ADORA2B: variants seen among roughly 807,000 people sequenced by gnomAD.
The protein encoded by ADORA2B is adenosine receptor A2b.
In ADORA2B, 18 loss-of-function variants were observed where a neutral mutation model predicts 20.8. The ratio of observed to expected loss-of-function variants is 0.87; its 90% CI spans 0.60 to 1.29. ADORA2B has a LOEUF of 1.29. ADORA2B is among the 50% of genes most tolerant of loss of function. The pLI, the probability that ADORA2B is intolerant of heterozygous loss-of-function variation, is 0.00. For synonymous variants in ADORA2B, 179 were observed against 178.3 expected, an observed-to-expected ratio of 1.00 and a Z score of -0.03; for missense variants, 441 against 422.7, an observed-to-expected ratio of 1.04 and a Z score of -0.38.
At chr17:15,966,198 C>G (rs923481293) in intron 1 of ADORA2B, among the ~76,000 whole-genome samples, 1 of 152,218 alleles carries the variant, frequency 6.6e-6, no homozygotes, top group African/African-American at 2.4e-5. Context: ...AGAAACATCC[C>G]TAAAACAAAC....
the ADORA2B span, among the ~76,000 whole-genome samples, chr17:15,869,449 C>T: frequency 2.6e-5 from 4 of 151,864 alleles, no homozygotes; most frequent in South Asian, 2.1e-4. Context: ...ATTTTGTTAT[C>T]GTCATTCATA....
rs1188079287 is a variant in ADORA2B, at chr17:15,964,606, ACT to A, written c.336-10070_336-10069del. ...TTCCAGTCTGGGCGACAAGAGCAAG[ACT>A]CTGTCTCAAAAAAAAAAAAAAAAAG... is the stretch of plus-strand genomic sequence containing the variant. On this transcript the variant is annotated intron_variant, in intron 1 of 1. Coordinates refer to ENST00000304222, the MANE Select transcript of ADORA2B (RefSeq NM_000676.4). Among the ~76,000 whole-genome samples, 26 of 140,440 alleles carry A rather than the reference ACT, an allele frequency of 1.9e-4. No homozygotes were observed. The South Asian group carries it at 5.4e-3, about 29-fold the overall frequency. The allele number at this position is 140,440 out of a possible 152,430, so 92.1% of individuals were successfully genotyped here. A position where few individuals can be genotyped will look rare whatever the true frequency, so the allele number is the denominator to read the frequency against.
chr17:15,890,032 G>A, the ADORA2B span, among the ~76,000 whole-genome samples: 2 of 129,954 alleles, frequency 1.5e-5, 1 homozygote, highest in Non-Finnish European at 3.2e-5. Flanking sequence ...TACACTGGAC[G>A]CCTAGATGTG....
the ADORA2B span, among the ~76,000 whole-genome samples, chr17:15,853,044 A>G: frequency 6.6e-6 from 1 of 152,154 alleles, no homozygotes; most frequent in Admixed American, 6.5e-5. Context: ...AGTAAGTGCA[A>G]AGAAAACCAC....
the ADORA2B span, among the ~76,000 whole-genome samples, chr17:15,921,274 G>T: frequency 2.6e-5 from 4 of 152,174 alleles, no homozygotes; most frequent in Non-Finnish European, 5.9e-5. Flanking sequence ...AGCAACAGGC[G>T]GCTTTTACTC....
the ADORA2B span, among the ~76,000 whole-genome samples, chr17:15,918,502 T>G: frequency 6.6e-6 from 1 of 152,170 alleles, no homozygotes; most frequent in African/African-American, 2.4e-5. Flanking sequence ...GAGACAGCCT[T>G]GCTCTGCCAC....
intron 1 of ADORA2B, among the ~76,000 whole-genome samples, chr17:15,955,977 C>T (rs1969961257): frequency 6.6e-6 from 1 of 152,138 alleles, no homozygotes; most frequent in Non-Finnish European, 1.5e-5. Flanking sequence ...GCCTCGGCCT[C>T]CATAAATGCT....
intron 1 of ADORA2B, among the ~76,000 whole-genome samples, chr17:15,969,410 G>A (rs867377372): frequency 1.3e-5 from 2 of 152,092 alleles, no homozygotes; most frequent in Non-Finnish European, 2.9e-5. Context: ...GCTGAGACGC[G>A]CCATTGCACT....
chr17:15,864,805 T>C, the ADORA2B span, among the ~76,000 whole-genome samples: 1 of 152,076 alleles, frequency 6.6e-6, no homozygotes, highest in African/African-American at 2.4e-5. Flanking sequence ...TAAGGCCAGT[T>C]CCTGTAATCC....
the ADORA2B span, among the ~76,000 whole-genome samples, chr17:15,871,383 A>G: frequency 2.0e-5 from 3 of 152,306 alleles, no homozygotes; most frequent in Admixed American, 2.0e-4. Flanking sequence ...TTAAAATACA[A>G]AGCCCAGATG....
chr17:15,972,756 GTTGT>G (rs909413796), intron 1 of ADORA2B, among the ~76,000 whole-genome samples: 5 of 151,984 alleles, frequency 3.3e-5, no homozygotes, highest in African/African-American at 1.2e-4. Flanking sequence ...GTATTTTTTT[GTTGT>G]TTGTTTTTTT....
intron 1 of ADORA2B, among the ~76,000 whole-genome samples, chr17:15,971,432 C>T (rs1970187291): frequency 6.6e-6 from 1 of 152,160 alleles, no homozygotes; most frequent in Non-Finnish European, 1.5e-5. Context: ...GATTGAGCTG[C>T]CTGTTGCTAA....
chr17:15,962,523 TTTA>T (rs545838590), intron 1 of ADORA2B, among the ~76,000 whole-genome samples: 10 of 151,724 alleles, frequency 6.6e-5, no homozygotes, highest in African/African-American at 1.9e-4. Context: ...TATTTATTTA[TTTA>T]TTTTTATTTT....
the ADORA2B span, among the ~76,000 whole-genome samples, chr17:15,910,491 G>A: frequency 6.6e-6 from 1 of 152,042 alleles, no homozygotes; most frequent in Non-Finnish European, 1.5e-5. Context: ...TAGAAACGGG[G>A]TTTCACCATG....
chr17:15,919,089 C>T, the ADORA2B span, among the ~76,000 whole-genome samples: 12 of 152,320 alleles, frequency 7.9e-5, no homozygotes, highest in African/African-American at 2.6e-4. Flanking sequence ...TGACTGCTGG[C>T]AGCCCTAAGC....
chr17:15,862,211 CTTTT>C, the ADORA2B span, among the ~76,000 whole-genome samples: 164 of 96,200 alleles, frequency 1.7e-3, no homozygotes, highest in African/African-American at 4.9e-3. Flanking sequence ...CTTTTCTTTT[CTTTT>C]TTTTTTTTTT....
chr17:15,901,233 A>T, the ADORA2B span, among the ~76,000 whole-genome samples: 1 of 152,310 alleles, frequency 6.6e-6, no homozygotes, highest in African/African-American at 2.4e-5. Flanking sequence ...TGAGAGGCTG[A>T]GGTGGGCAGA....
At chr17:15,892,458 C>T in the ADORA2B span, among the ~76,000 whole-genome samples, 47 of 151,090 alleles carry the variant, frequency 3.1e-4, no homozygotes, top group Non-Finnish European at 3.8e-4. Context: ...TGTTAGCCAC[C>T]GTGCTCGGCC....
In ADORA2B at chr17:15,953,440, G is replaced by A. The variant is rs542774012; in HGVS notation, c.335+7857G>A. 9.8e-5 allele frequency among the ~76,000 whole-genome samples: 15 copies of A among 152,342 alleles called. 1 individual carries two copies. Among genetic ancestry groups the A allele is most frequent in the African/African-American group, 3.4e-4 (14 of 41,592 alleles). ...GTCCCTCTGCCGGGGGCAGCCCCCA[G>A]CCTGTTTCTCTTGGCATTTGCCCCG... On this transcript the variant is annotated intron_variant, in intron 1 of 1. Transcript: ENST00000304222.
Sources: allele counts gnomAD v4.1 joint callset (sites outside exome capture counted in the v4.1 genomes callset), GRCh38; gene constraint gnomAD v4.1.1; transcripts MANE v1.5; gene names NCBI Gene and HGNC (gene_info 2026-07-23, HGNC 2026-07-21).